The following DOCK8 variants were observed in gnomAD, a reference collection of about 807,000 sequenced individuals.
DOCK8 encodes the protein dedicator of cytokinesis 8.
DOCK8 carries 141 observed loss-of-function variants against 245.6 expected under a neutral mutation model. That is an observed-to-expected ratio of 0.57 (90% CI 0.50 to 0.66). The LOEUF (loss-of-function observed/expected upper bound fraction) is 0.66, where lower values mean the gene tolerates loss of function less well. Among genes scored for constraint, DOCK8 ranks in the 30% least tolerant of loss-of-function variants. The pLI, the probability that DOCK8 is intolerant of heterozygous loss-of-function variation, is 0.00. For missense variants in DOCK8, 2,965 were observed against 2,603.4 expected, an observed-to-expected ratio of 1.14 and a Z score of -3.02; for synonymous variants, 1,168 against 970.2, an observed-to-expected ratio of 1.20 and a Z score of -3.79.
chr9:400,817 A>AGCT (rs2054954648), intron 26 of DOCK8, among the ~76,000 whole-genome samples: 9 of 41,832 alleles, frequency 2.2e-4, no homozygotes, highest in Admixed American at 2.3e-4. Flanking sequence ...CATCACCACC[A>AGCT]CCTCCACCAT....
At chr9:256,447 T>A (rs2047777883) in intron 1 of DOCK8, among the ~76,000 whole-genome samples, 2 of 152,304 alleles carry the variant, frequency 1.3e-5, no homozygotes, top group South Asian at 4.1e-4. Flanking sequence ...AAAATGAGGG[T>A]AGTACTTATC....
At position 400,934 on chromosome 9, in the gene DOCK8, T is replaced by TCGCCCTGC. The variant is rs1491134544; in HGVS notation, c.3234+1676_3234+1677insGCCCTGCC. The stretch of plus-strand genomic sequence containing the variant: ...CAGCTCCTTCACCATCACCACAACA[T>TCGCCCTGC]CCACCACCACCATCACCACCACCAC... On this transcript the variant is annotated intron_variant, in intron 26 of 47. Coordinates refer to ENST00000432829, the MANE Select transcript of DOCK8 (RefSeq NM_203447.4). Among the ~76,000 whole-genome samples the TCGCCCTGC allele has an allele frequency of 2.4e-4, 5 of 20,546 alleles. 1 individual carries two copies. Among genetic ancestry groups the TCGCCCTGC allele is most frequent in the South Asian group, 3.0e-3 (2 of 668 alleles). 13.5% of individuals were successfully genotyped at this position (20,546 alleles called of 152,430 possible).
intron 1 of DOCK8, among the ~76,000 whole-genome samples, chr9:237,272 C>T (rs1348361500): frequency 6.6e-6 from 1 of 152,204 alleles, no homozygotes; most frequent in Non-Finnish European, 1.5e-5. Flanking sequence ...CACCTGAGAT[C>T]CTAGGAGGAG....
At chr9:461,112 C>T (rs16910197) in intron 46 of DOCK8, among the ~76,000 whole-genome samples, 27,090 of 152,194 alleles carry the variant, frequency 0.18, 2,897 homozygotes, top group East Asian at 0.41. Flanking sequence ...CCGTACCGTG[C>T]AGGAGACAGG....
chr9:420,227 C>G (rs776531178), intron 30 of DOCK8, 174 bp from the exon 31 acceptor site: 3 of 728,998 alleles, frequency 4.1e-6, no homozygotes, highest in South Asian at 3.2e-5. Flanking sequence ...ACAGCTTCCC[C>G]TGCCTAGGGA....
In DOCK8 at chr9:399,274, C is replaced by T. The variant is rs79462548; in HGVS notation, c.3234+15C>T. ...ATTGCAGCCAGGTGAGTGTCCCCCC[C>T]ACCCCCACCCCCGAGCGAGCCACTT... On this transcript the variant is annotated intron_variant, in intron 26 of 47. Coordinates refer to ENST00000432829, the MANE Select transcript of DOCK8 (RefSeq NM_203447.4). 28 of 1,458,492 alleles carry T rather than the reference C, an allele frequency of 1.9e-5. No homozygotes were observed. Among genetic ancestry groups the T allele is most frequent in the Admixed American group, 7.4e-5 (4 of 54,266 alleles). 90.3% of individuals were successfully genotyped at this position (1,458,492 alleles called of 1,614,324 possible). A position where few individuals can be genotyped will look rare whatever the true frequency, so the allele number is the denominator to read the frequency against.
At chr9:297,294 AC>A (rs1352831513) in intron 4 of DOCK8, among the ~76,000 whole-genome samples, 2 of 152,198 alleles carry the variant, frequency 1.3e-5, no homozygotes, top group East Asian at 3.8e-4. Context: ...GTCTCTTAGT[AC>A]ATTAAGGAGC....
At chr9:417,020 TGTG>T (rs1284743872) in intron 29 of DOCK8, among the ~76,000 whole-genome samples, 7 of 152,198 alleles carry the variant, frequency 4.6e-5, no homozygotes, top group Non-Finnish European at 7.3e-5. Context: ...TTTGGCTCGG[TGTG>T]GTGGCTCACC....
chr9:218,912 A>G (rs1198638761), intron 1 of DOCK8, among the ~76,000 whole-genome samples: 1 of 152,188 alleles, frequency 6.6e-6, no homozygotes, highest in African/African-American at 2.4e-5. Context: ...AGATAGGAGC[A>G]ATGACTATCT....
intron 14 of DOCK8, among the ~76,000 whole-genome samples, chr9:362,921 A>G (rs10758304): frequency 0.57 from 87,292 of 152,020 alleles, 26,481 homozygotes; most frequent in East Asian, 0.82. Context: ...AGCAAAAGAA[A>G]TAGAAGATGG....
intron 28 of DOCK8, among the ~76,000 whole-genome samples, chr9:408,908 G>A (rs7869109): frequency 1.4e-3 from 199 of 140,194 alleles, no homozygotes; most frequent in African/African-American, 6.1e-3. Flanking sequence ...GCGTGCACAT[G>A]CACACACACA....
At chr9:326,847 A>C (rs1488028448) in intron 8 of DOCK8, among the ~76,000 whole-genome samples, 1 of 152,198 alleles carries the variant, frequency 6.6e-6, no homozygotes, top group African/African-American at 2.4e-5. Context: ...GAGAGAATTG[A>C]GTCACATGAT....
At chr9:411,435 T>TA (rs200209382) in intron 28 of DOCK8, among the ~76,000 whole-genome samples, 1,990 of 131,228 alleles carry the variant, frequency 0.015, 39 homozygotes, top group African/African-American at 0.051. Context: ...ATAATAATAA[T>TA]ATATTTTAAA....
chr9:382,703 C>T lies in DOCK8; in HGVS notation c.2778+18C>T. 6.2e-7 allele frequency: 1 copy of T among 1,613,972 alleles called. No homozygotes were observed. Among genetic ancestry groups the T allele is most frequent in the South Asian group, 1.1e-5 (1 of 91,066 alleles). On this transcript the variant is annotated intron_variant, in intron 22 of 47. Coordinates refer to ENST00000432829, the MANE Select transcript of DOCK8 (RefSeq NM_203447.4). The stretch of plus-strand genomic sequence containing the variant: ...CTTCAAAGGTAGGAAAGATGTCAAA[C>T]CGTGGAAGGGGACACAGGCTTTTTT...
intron 1 of DOCK8, among the ~76,000 whole-genome samples, chr9:230,416 A>G (rs951055306): frequency 6.6e-6 from 1 of 152,158 alleles, no homozygotes; most frequent in African/African-American, 2.4e-5. Flanking sequence ...GAATATACCC[A>G]GTAATAGGAT....
Position 304,571 on chromosome 9 carries a change from A to C in DOCK8, c.405-10A>C. ...CTTTCTCTCTCCAAATTAAATATCA[A>C]CCATAAAAGAAACCAAGGAAGTCCA... On this transcript the variant is annotated splice_polypyrimidine_tract_variant and intron_variant, in intron 4 of 47. Transcript: ENST00000432829. 1 of 1,614,032 alleles carries C rather than the reference A, an allele frequency of 6.2e-7. No homozygotes were observed.
At position 435,107 on chromosome 9, in the gene DOCK8, C is replaced by T. The variant is rs1398833466; in HGVS notation, c.5079+132C>T. On this transcript the variant is annotated intron_variant, in intron 39 of 47. Coordinates refer to ENST00000432829, the MANE Select transcript of DOCK8 (RefSeq NM_203447.4). Reference sequence around the variant, plus strand: ...CACAACTGGGATGGGTGAGTAGGTGCTACTGGCATCTGACTGGTAGAAGCC... The same window carrying T: ...CACAACTGGGATGGGTGAGTAGGTGTTACTGGCATCTGACTGGTAGAAGCC... The T allele has an allele frequency of 2.6e-5, 26 of 1,006,820 alleles. No homozygotes were observed. The Admixed American group carries it at 3.6e-4, about 14-fold the overall frequency. 62.4% of individuals were successfully genotyped at this position (1,006,820 alleles called of 1,614,324 possible). A position where few individuals can be genotyped will look rare whatever the true frequency, so the allele number is the denominator to read the frequency against.
intron 1 of DOCK8, chr9:215,537 A>G: frequency 1.6e-6 from 2 of 1,222,158 alleles, no homozygotes; most frequent in Non-Finnish European, 2.1e-6. Context: ...ATTATTCCAG[A>G]AAGAGCTTGG....
At chr9:346,039 G>A (rs943593082) in intron 14 of DOCK8, among the ~76,000 whole-genome samples, 1 of 152,148 alleles carries the variant, frequency 6.6e-6, no homozygotes, top group South Asian at 2.1e-4. Context: ...GCAGTGCCAT[G>A]TGCAGCCTCT....
Sources: gnomAD v4.1 joint callset for allele counts (sites outside exome capture counted in the v4.1 genomes callset) on GRCh38, gnomAD v4.1.1 for gene constraint, MANE v1.5 for transcripts, NCBI Gene and HGNC (gene_info 2026-07-23, HGNC 2026-07-21) for gene names.